Variants in MYO16 observed in about 807,000 individuals in gnomAD.
The protein encoded by MYO16 is myosin XVI, also known as unconventional myosin-XVI.
In MYO16, 94 loss-of-function variants were observed where a neutral mutation model predicts 205.3. That is an observed-to-expected ratio of 0.46 (90% CI 0.39 to 0.54). The LOEUF (loss-of-function observed/expected upper bound fraction) is 0.54, where lower values mean the gene tolerates loss of function less well. Ranked by LOEUF, MYO16 falls within the 20% of genes least tolerant of loss-of-function variation. MYO16 has a pLI of 0.00. For missense variants in MYO16, 2,315 were observed against 2,387.5 expected, an observed-to-expected ratio of 0.97 and a Z score of 0.63; for synonymous variants, 988 against 954.0, an observed-to-expected ratio of 1.04 and a Z score of -0.66.
intron 4 of MYO16, among the ~76,000 whole-genome samples, chr13:108,777,194 C>T (rs1279888193): frequency 2.0e-5 from 3 of 152,094 alleles, no homozygotes; most frequent in African/African-American, 7.2e-5. Context: ...GATTGAATCT[C>T]AAACCATTAA....
chr13:108,544,398 G>A, the MYO16 span, among the ~76,000 whole-genome samples: 5 of 151,922 alleles, frequency 3.3e-5, no homozygotes, highest in East Asian at 1.9e-4. Flanking sequence ...TTTAATTTTC[G>A]TGAGCACATG....
chr13:108,867,329 G>A (rs1235816103), intron 12 of MYO16, among the ~76,000 whole-genome samples: 1 of 152,040 alleles, frequency 6.6e-6, no homozygotes, highest in African/African-American at 2.4e-5. Flanking sequence ...TTGTATTACT[G>A]CACTCCAGCC....
chr13:109,080,970 A>C (rs998887359), intron 27 of MYO16, among the ~76,000 whole-genome samples: 14 of 152,168 alleles, frequency 9.2e-5, no homozygotes, highest in Admixed American at 3.3e-4. Context: ...GAAATTATAC[A>C]TAATATCATA....
intron 6 of MYO16, 92 bp downstream of exon 6, chr13:108,793,732 ATTG>A (rs57874094): frequency 0.53 from 697,236 of 1,311,548 alleles, 188,103 homozygotes; most frequent in Middle Eastern, 0.55. Flanking sequence ...CCTTTAAATA[ATTG>A]TTGTGATCAT....
chr13:109,116,527 GC>G (rs1455360567), intron 28 of MYO16, among the ~76,000 whole-genome samples: 1 of 151,954 alleles, frequency 6.6e-6, no homozygotes, highest in Non-Finnish European at 1.5e-5. Flanking sequence ...ATGCAGATCT[GC>G]CCTGTGAAAC....
chr13:108,976,778 CCT>C (rs1042153049), intron 20 of MYO16, among the ~76,000 whole-genome samples: 2 of 152,060 alleles, frequency 1.3e-5, no homozygotes, highest in African/African-American at 4.8e-5. Flanking sequence ...TGCATAAAAG[CCT>C]CTCTTTTTAT....
In MYO16 at chr13:109,140,779, A is replaced by G; in HGVS notation, c.4567A>G (p.Thr1523Ala). 6.4e-7 allele frequency: 1 copy of G among 1,554,646 alleles called. No individual in the cohort carries two copies. Among genetic ancestry groups the G allele is most frequent in the African/African-American group, 1.5e-5 (1 of 67,388 alleles). The change falls in exon 32 of 35, where the codon ACC becomes GCC. Residue 1523 changes from threonine to alanine, a missense_variant. This residue lies in a region of MYO16 where 1,097 missense variants were observed against 1,092.0 expected (regional missense o/e 1.00). Coordinates refer to ENST00000457511, the MANE Select transcript of MYO16 (RefSeq NM_001198950.3). The surrounding 1 kb of genome is among the most constrained non-coding windows in gnomAD (Gnocchi z 8.0). ...PLLVFPPTPV[T>A]CSPASDESPL... ...GCTGGTGTTCCCCCCGACCCCCGTCACCTGCTCCCCCGCCTCCGACGAGTC... is the reference window on the plus strand; with the variant it reads ...GCTGGTGTTCCCCCCGACCCCCGTCGCCTGCTCCCCCGCCTCCGACGAGTC...
chr13:108,919,199 C>T lies in MYO16; in HGVS notation c.1925+9049C>T, dbSNP rs1057061488. 4.6e-5 allele frequency among the ~76,000 whole-genome samples: 7 copies of T among 152,162 alleles called. No individual in the cohort carries two copies. The East Asian group carries it at 1.2e-3, about 25-fold the overall frequency. ...CATTGTGGCTATCATGTCTTTTTCT[C>T]CTGAGGCAGGGCAGGTGCTGGCATA... is the stretch of plus-strand genomic sequence containing the variant. On this transcript the variant is annotated intron_variant, in intron 16 of 34. Transcript: ENST00000457511.
chr13:108,749,156 A>AT (rs1402538739), intron 4 of MYO16, among the ~76,000 whole-genome samples: 1 of 151,704 alleles, frequency 6.6e-6, no homozygotes, highest in Non-Finnish European at 1.5e-5. Context: ...CAAACTTATT[A>AT]TTTTTTGCAG....
intron 5 of MYO16, among the ~76,000 whole-genome samples, chr13:108,792,095 G>A (rs543811449): frequency 9.5e-4 from 145 of 152,238 alleles, no homozygotes; most frequent in Non-Finnish European, 1.4e-3. Flanking sequence ...CCAATGCTAG[G>A]AATAGGGGAC....
chr13:108,796,515 T>C (rs965089157), intron 6 of MYO16, among the ~76,000 whole-genome samples: 1 of 152,036 alleles, frequency 6.6e-6, no homozygotes, highest in South Asian at 2.1e-4. Context: ...TTGGAACCAA[T>C]CCAAATATCC....
At chr13:109,001,361 A>G (rs1440304317) in intron 21 of MYO16, among the ~76,000 whole-genome samples, 1 of 152,040 alleles carries the variant, frequency 6.6e-6, no homozygotes, top group East Asian at 1.9e-4. Flanking sequence ...TCTGGTAAGG[A>G]AAGCAACCCT....
At chr13:108,997,212 A>C (rs2139449679) in intron 21 of MYO16, among the ~76,000 whole-genome samples, 1 of 151,808 alleles carries the variant, frequency 6.6e-6, no homozygotes, top group Admixed American at 6.6e-5. Context: ...TATCGTTTAA[A>C]CCTGGGAGGT....
chr13:108,935,820 T>G (rs764249630), intron 16 of MYO16, among the ~76,000 whole-genome samples: 15 of 121,396 alleles, frequency 1.2e-4, no homozygotes, highest in Non-Finnish European at 2.0e-4. Flanking sequence ...TTCTTGAGGG[T>G]TTTTTTTTTT....
chr13:108,943,647 C>T (rs1413942824), intron 16 of MYO16, among the ~76,000 whole-genome samples: 2 of 152,024 alleles, frequency 1.3e-5, no homozygotes, highest in Non-Finnish European at 2.9e-5. Context: ...GATGAGGTTT[C>T]ACCATGTTGG....
upstream of MYO16, among the ~76,000 whole-genome samples, chr13:108,626,087 T>A (rs1489921761): frequency 6.6e-6 from 1 of 152,216 alleles, no homozygotes; most frequent in African/African-American, 2.4e-5. Context: ...TGCAGTTTCT[T>A]TTTTTGTTTT....
intron 24 of MYO16, among the ~76,000 whole-genome samples, chr13:109,048,019 A>G (rs1406488186): frequency 6.6e-6 from 1 of 152,074 alleles, no homozygotes; most frequent in Non-Finnish European, 1.5e-5. Context: ...TCATTGGAAA[A>G]TCTTCCTTTT....
At chr13:108,678,796 G>T (rs2139462914) in intron 2 of MYO16, among the ~76,000 whole-genome samples, 1 of 152,198 alleles carries the variant, frequency 6.6e-6, no homozygotes, top group Non-Finnish European at 1.5e-5. Flanking sequence ...TACCTGTATT[G>T]GTTTGCTAGG....
At chr13:108,738,131 C>A (rs984065097) in intron 4 of MYO16, among the ~76,000 whole-genome samples, 12 of 152,006 alleles carry the variant, frequency 7.9e-5, no homozygotes, top group African/African-American at 1.2e-4. Flanking sequence ...GTGTTTCTAT[C>A]TCCTTCAGTT....
Sources: allele counts gnomAD v4.1 joint callset (sites outside exome capture counted in the v4.1 genomes callset), GRCh38; gene constraint gnomAD v4.1.1; regional missense constraint gnomAD v4.1.1; non-coding constraint Gnocchi (gnomAD v3.1); transcripts MANE v1.5; gene names NCBI Gene and HGNC (gene_info 2026-07-23, HGNC 2026-07-21).